COL15A1: variants seen among roughly 807,000 people sequenced by gnomAD.
The protein encoded by COL15A1 is collagen type XV alpha 1 chain, also known as collagen alpha-1(XV) chain.
COL15A1 carries 111 observed loss-of-function variants against 165.9 expected under a neutral mutation model. The ratio of observed to expected loss-of-function variants is 0.67; its 90% confidence interval spans 0.57 to 0.78. COL15A1 has a LOEUF of 0.78. Ranked by LOEUF, COL15A1 falls within the 30% of genes least tolerant of loss-of-function variation. The probability of loss-of-function intolerance (pLI) is 0.00; values close to 1 mark genes in which losing one functional copy is unlikely to be tolerated. For missense variants in COL15A1, 1,745 were observed against 1,789.7 expected, an observed-to-expected ratio of 0.98 and a Z score of 0.45; for synonymous variants, 659 against 674.8, an observed-to-expected ratio of 0.98 and a Z score of 0.36.
intron 6 of COL15A1, among the ~76,000 whole-genome samples, chr9:98,998,395 A>G (rs1213538358): frequency 1.3e-5 from 2 of 152,226 alleles, no homozygotes; most frequent in Non-Finnish European, 2.9e-5. Context: ...AAAAAATTGT[A>G]GGATAATTTA....
chr9:98,996,038 C>A (rs1005826140), intron 5 of COL15A1, among the ~76,000 whole-genome samples: 1 of 152,168 alleles, frequency 6.6e-6, no homozygotes, highest in African/African-American at 2.4e-5. Flanking sequence ...CAAGAATCCT[C>A]CTTGTTCCAT....
chr9:98,966,716 T>C (rs1837963214), intron 2 of COL15A1, among the ~76,000 whole-genome samples: 1 of 152,230 alleles, frequency 6.6e-6, no homozygotes, highest in Admixed American at 6.5e-5. Context: ...AGGCTGCTCA[T>C]TCAAAGCCTC....
intron 26 of COL15A1, among the ~76,000 whole-genome samples, chr9:99,047,141 C>T (rs1839504654): frequency 6.6e-6 from 1 of 152,182 alleles, no homozygotes; most frequent in Non-Finnish European, 1.5e-5. Flanking sequence ...AAGTAGTTTA[C>T]ATCCCAGACA....
At chr9:99,031,305 T>C (rs982678641) in intron 16 of COL15A1, among the ~76,000 whole-genome samples, 5 of 152,016 alleles carry the variant, frequency 3.3e-5, no homozygotes, top group African/African-American at 4.8e-5. Context: ...TGTGTCCCAA[T>C]AGGAAAACAC....
In COL15A1 at chr9:99,059,906, C is replaced by A; in HGVS notation, c.3355C>A (p.Pro1119Thr). 1.9e-6 allele frequency: 3 copies of A among 1,613,762 alleles called. No individual in the cohort carries two copies. The highest frequency in any genetic ancestry group is 2.5e-6 in the Non-Finnish European group (3 of 1,179,852). Residue 1119 changes from proline (P) to threonine (T), a missense_variant, in exon 36 of 42, where the codon CCC becomes ACC. Physicochemically the swap from Pro to Thr is conservative, Grantham distance 38. Transcript: ENST00000375001. ...ILGAAVALPGPPGPPGQPGLP... is the reference protein window; with the variant it reads ...ILGAAVALPGTPGPPGQPGLP... ...TGTCTTAGCTGTGGCCCTTCCAGGT[C>A]CCCCTGGCCCTCCAGGACAGCCAGG...
Position 99,004,957 on chromosome 9 carries a change from C to G in COL15A1, c.1260C>G (p.Ala420=). 1.9e-6 allele frequency: 3 copies of G among 1,614,066 alleles called. No homozygotes were observed. The highest frequency in any genetic ancestry group is 2.5e-6 in the Non-Finnish European group (3 of 1,179,952). ...CAGCAGGGGAGGCCGAGGCACTCGCCAGCATGCCTGGGGAAGTGGAGGCCA... is the reference window on the plus strand; with the variant it reads ...CAGCAGGGGAGGCCGAGGCACTCGCGAGCATGCCTGGGGAAGTGGAGGCCA... The part of the protein sequence containing the change: ...ATAAGEAEAL[A]SMPGEVEASG... The change falls in exon 9 of 42, where the codon GCC becomes GCG. Residue 420 remains alanine (A), a synonymous_variant. Coordinates refer to ENST00000375001, the MANE Select transcript of COL15A1 (RefSeq NM_001855.5).
intron 2 of COL15A1, among the ~76,000 whole-genome samples, chr9:98,957,934 A>G (rs762631701): frequency 5.3e-5 from 8 of 152,188 alleles, no homozygotes; most frequent in Non-Finnish European, 1.0e-4. Context: ...TACAGGCACC[A>G]TCACACCTGG....
intron 2 of COL15A1, among the ~76,000 whole-genome samples, chr9:98,974,739 C>T (rs1185101653): frequency 2.6e-5 from 4 of 152,224 alleles, no homozygotes; most frequent in African/African-American, 4.8e-5. Flanking sequence ...CCCTCAGCCC[C>T]GGCCCCCCAG....
chr9:98,975,994 G>A (rs1173833430), intron 2 of COL15A1, among the ~76,000 whole-genome samples: 2 of 152,214 alleles, frequency 1.3e-5, no homozygotes. Flanking sequence ...GAAGCAGAGG[G>A]TGTCTCGAGT....
intron 2 of COL15A1, among the ~76,000 whole-genome samples, chr9:98,964,363 A>G (rs1386840004): frequency 6.6e-6 from 1 of 152,198 alleles, no homozygotes; most frequent in African/African-American, 2.4e-5. Flanking sequence ...ATTAAACAAG[A>G]GTCAGCCTGT....
chr9:99,037,165 G>T (rs983483848), intron 21 of COL15A1, among the ~76,000 whole-genome samples: 9 of 152,188 alleles, frequency 5.9e-5, no homozygotes, highest in African/African-American at 1.9e-4. Flanking sequence ...CCTCAACAAG[G>T]AAGGCAGTAA....
chr9:99,059,808 T>A (rs1288582492), intron 35 of COL15A1, 81 bp from the exon 36 acceptor site: 3 of 1,507,548 alleles, frequency 2.0e-6, no homozygotes, highest in Admixed American at 1.8e-5. Flanking sequence ...TGAACACACT[T>A]CTCTCCGGGA....
At chr9:99,006,218 C>T (rs780696107) in intron 9 of COL15A1, among the ~76,000 whole-genome samples, 1 of 152,234 alleles carries the variant, frequency 6.6e-6, no homozygotes, top group Non-Finnish European at 1.5e-5. Flanking sequence ...CTCAAAAGGC[C>T]TCATCATCAT....
intron 7 of COL15A1, among the ~76,000 whole-genome samples, chr9:99,003,224 C>T (rs1309383607): frequency 1.3e-5 from 2 of 152,206 alleles, no homozygotes; most frequent in African/African-American, 4.8e-5. Context: ...CAGTGATTTC[C>T]GTGTTAATGG....
chr9:98,985,997 A>C lies in COL15A1; in HGVS notation c.533A>C (p.Asn178Thr), dbSNP rs1293467177. 1 of 1,614,082 alleles carries C rather than the reference A, an allele frequency of 6.2e-7. No homozygotes were observed. The highest frequency in any genetic ancestry group is 1.1e-5 in the South Asian group (1 of 91,070). The change falls in exon 3 of 42, where the codon AAC becomes ACC. Residue 178 changes from asparagine (N) to threonine (T), a missense_variant. Asn to Thr is a moderately conservative substitution (Grantham distance 65, BLOSUM62 0). Transcript: ENST00000375001. The part of the protein sequence containing the change: ...VQGEEVTLLV[N>T]CEEHSRIPFQ... ...GGTGAGGAAGTGACCCTCCTCGTGA[A>C]CTGTGAGGAGCACAGCCGCATCCCC...
chr9:99,066,599 G>GTTTTTTTTTTTTTTTTT (rs67961829), intron 39 of COL15A1, among the ~76,000 whole-genome samples: 8 of 71,082 alleles, frequency 1.1e-4, no homozygotes, highest in Admixed American at 3.2e-4. Context: ...ATTTTGTTCT[G>GTTTTTTTTTTTTTTTTT]TTTTTTTTTT....
chr9:98,990,009 A>G (rs1543710), intron 5 of COL15A1, among the ~76,000 whole-genome samples: 152,065 of 152,352 alleles, frequency 1, 75,890 homozygotes, highest in Middle Eastern at 1. Flanking sequence ...TTGCCTGGTC[A>G]GGCTACTTTG....
intron 5 of COL15A1, among the ~76,000 whole-genome samples, 180 bp from the exon 6 acceptor site, chr9:98,996,754 C>A (rs931694987): frequency 1.3e-5 from 2 of 152,204 alleles, no homozygotes; most frequent in African/African-American, 4.8e-5. Flanking sequence ...CTAGTAGGCA[C>A]CTCTTTCAGG....
At chr9:99,033,620 T>G (rs1292465529) in intron 16 of COL15A1, among the ~76,000 whole-genome samples, 12 of 152,246 alleles carry the variant, frequency 7.9e-5, no homozygotes, top group Non-Finnish European at 1.5e-5. Context: ...CCCATCTTAT[T>G]TTTGAGCACG....
Sources: allele counts gnomAD v4.1 joint callset (sites outside exome capture counted in the v4.1 genomes callset), GRCh38; gene constraint gnomAD v4.1.1; transcripts MANE v1.5; gene names NCBI Gene and HGNC (gene_info 2026-07-23, HGNC 2026-07-21).